FKBP15: variants seen among roughly 807,000 people sequenced by gnomAD.
The protein encoded by FKBP15 is FKBP prolyl isomerase family member 15, also known as FK506-binding protein 15.
A neutral mutation model predicts 158.1 loss-of-function variants in FKBP15; 106 were observed. The ratio of observed to expected loss-of-function variants is 0.67; its 90% CI spans 0.57 to 0.79. The LOEUF is 0.79. Ranked by LOEUF, FKBP15 falls within the 30% of genes least tolerant of loss-of-function variation. The pLI, the probability that FKBP15 is intolerant of heterozygous loss-of-function variation, is 0.00. For synonymous variants in FKBP15, 547 were observed against 548.6 expected (o/e 1.00, Z 0.04); for missense variants, 1,287 against 1,479.1 (o/e 0.87, Z 2.13).
rs117421186 is a variant in FKBP15, at chr9:113,188,971, T to C, written c.1174-480A>G. 6.4e-4 allele frequency among the ~76,000 whole-genome samples: 97 copies of C among 152,358 alleles called. No homozygotes were observed. In the East Asian group the frequency reaches 0.017, roughly 27 times the overall value. On this transcript the variant is annotated intron_variant, in intron 12 of 27. Transcript: ENST00000238256. Reference sequence around the variant, plus strand: ...TAGGATTCACTGCACCTGATTAACATGCTGTTTTTGGATAATATAGTTTTA... The same window carrying C: ...TAGGATTCACTGCACCTGATTAACACGCTGTTTTTGGATAATATAGTTTTA...
In FKBP15 at chr9:113,171,712, A is replaced by G. The variant is rs1226254053; in HGVS notation, c.2533-6T>C. On this transcript the variant is annotated splice_polypyrimidine_tract_variant and splice_region_variant and intron_variant, in intron 23 of 27. Coordinates refer to ENST00000238256, the MANE Select transcript of FKBP15 (RefSeq NM_015258.2). The stretch of plus-strand genomic sequence containing the variant: ...TGGGCCTGGAGGGCTAAACACTGCA[A>G]AACAAACAGACTGTGGCTGTGGCCT... 1 of 1,567,926 alleles carries G rather than the reference A, an allele frequency of 6.4e-7. No individual in the cohort carries two copies. Among genetic ancestry groups the G allele is most frequent in the South Asian group, 1.2e-5 (1 of 85,342 alleles).
rs1830212313 is a variant in FKBP15 at position 113,171,694 on chromosome 9, G to A, written c.2545C>T (p.Gln849Ter). 3.1e-6 allele frequency: 5 copies of A among 1,594,186 alleles called. No homozygotes were observed. Among genetic ancestry groups the A allele is most frequent in the African/African-American group, 1.3e-5 (1 of 74,110 alleles). The change falls in exon 24 of 28, where the codon CAG becomes TAG. Residue 849 changes from glutamine (Q) to a stop codon, truncating the protein, a stop_gained. Transcript: ENST00000238256. LOFTEE classifies it high-confidence loss of function. Reference sequence around the variant, plus strand: ...TTGGTGAGAGCTGTGATTTGGGCCTGGAGGGCTAAACACTGCAAAACAAAC... The same window carrying A: ...TTGGTGAGAGCTGTGATTTGGGCCTAGAGGGCTAAACACTGCAAAACAAAC... The part of the protein sequence containing the change: ...VQLQEKCLAL[Q>*]AQITALTKQN...
rs1830161901 is a variant in FKBP15 at position 113,169,387 on chromosome 9, G to T, written c.3322C>A (p.Leu1108Met). 6.2e-7 allele frequency: 1 copy of T among 1,614,056 alleles called. No individual in the cohort carries two copies. Among genetic ancestry groups the T allele is most frequent in the Non-Finnish European group, 8.5e-7 (1 of 1,179,894 alleles). The change falls in exon 26 of 28, where the codon CTG becomes ATG. Residue 1108 changes from leucine to methionine, a missense_variant. Transcript: ENST00000238256. Reference sequence around the variant, plus strand: ...CCTGGGCTTTCAGGCCCTAAGGCCAGTGGGTCCCCCTCCTCGGGGTCTGAA... The same window carrying T: ...CCTGGGCTTTCAGGCCCTAAGGCCATTGGGTCCCCCTCCTCGGGGTCTGAA... ...LTSDPEEGDP[L>M]ALGPESPGEP...
At position 113,188,424 on chromosome 9, in the gene FKBP15, G is replaced by A. The variant is rs369298588; in HGVS notation, c.1241C>T (p.Pro414Leu). Residue 414 changes from proline (P) to leucine (L), a missense_variant, in exon 13 of 28, where the codon CCG (proline) becomes CTG (leucine). Pro to Leu is a moderately conservative substitution (Grantham distance 98, BLOSUM62 -3). Coordinates refer to ENST00000238256, the MANE Select transcript of FKBP15 (RefSeq NM_015258.2). ...VTPSVQPSLH[P>L]AHPALPQMTS... ...CATCTGTGGTAACGCTGGATGGGCC[G>A]GATGAAGAGAGGGCTGGACGGACGG... The A allele has an allele frequency of 4.2e-5, 67 of 1,613,796 alleles. No individual in the cohort carries two copies. The highest frequency in any genetic ancestry group is 6.6e-5 in the South Asian group (6 of 91,088).
At chr9:113,174,303 C>A in intron 22 of FKBP15, 125 bp downstream of exon 22, 1 of 1,006,644 alleles carries the variant, frequency 9.9e-7, no homozygotes, top group Non-Finnish European at 1.4e-6. Flanking sequence ...TTCTACCTTT[C>A]TCCAAAGTGA....
In FKBP15 at chr9:113,161,711, G is replaced by T. The variant is rs983563732; in HGVS notation, c.*4367C>A. 5 of 1,613,542 alleles carry T rather than the reference G, an allele frequency of 3.1e-6. No homozygotes were observed. In the Admixed American group the frequency reaches 6.7e-5, roughly 22 times the overall value. ...GAACCCACCACAGGTACAGGCAGTG[G>T]GTATGGGAAAGGGGCAGAAGCCTCA... On this transcript the variant is annotated 3_prime_UTR_variant, in exon 28 of 28. Coordinates refer to ENST00000238256, the MANE Select transcript of FKBP15 (RefSeq NM_015258.2).
Position 113,206,496 on chromosome 9 carries a change from G to T in FKBP15, c.324+13C>A. 6.2e-7 allele frequency: 1 copy of T among 1,610,756 alleles called. No individual in the cohort carries two copies. Among genetic ancestry groups the T allele is most frequent in the Non-Finnish European group, 8.5e-7 (1 of 1,177,042 alleles). ...GACATCTGAATATACATGAGATGTG[G>T]GAGCACTCTCACCTCTCTGGCTGTG... On this transcript the variant is annotated intron_variant, in intron 4 of 27. Transcript: ENST00000238256.
At position 113,162,764 on chromosome 9, in the gene FKBP15, C is replaced by T. The variant is rs747207793; in HGVS notation, c.*3314G>A. ...TTTTATCTAGGTGGTATTTGTGTCA[C>T]TTTGGCCAGTCTCTAATCCATGTCA... is the stretch of plus-strand genomic sequence containing the variant. On this transcript the variant is annotated 3_prime_UTR_variant, in exon 28 of 28. Coordinates refer to ENST00000238256, the MANE Select transcript of FKBP15 (RefSeq NM_015258.2). 14 of 1,612,676 alleles carry T rather than the reference C, an allele frequency of 8.7e-6. No individual in the cohort carries two copies. The highest frequency in any genetic ancestry group is 1.1e-5 in the Non-Finnish European group (13 of 1,179,350).
chr9:113,200,180 G>A (rs185426445), intron 6 of FKBP15, among the ~76,000 whole-genome samples: 2 of 152,296 alleles, frequency 1.3e-5, no homozygotes, highest in Admixed American at 1.3e-4. Context: ...TCCAGGCACT[G>A]CCACTTATTA....
intron 6 of FKBP15, among the ~76,000 whole-genome samples, chr9:113,201,172 G>A (rs975729405): frequency 9.9e-5 from 15 of 150,758 alleles, no homozygotes; most frequent in Non-Finnish European, 1.9e-4. Context: ...GCAAAGGTAC[G>A]ATGAGAAAAT....
intron 1 of FKBP15, among the ~76,000 whole-genome samples, chr9:113,215,299 C>T (rs1564192259): frequency 6.6e-6 from 1 of 150,708 alleles, no homozygotes; most frequent in African/African-American, 2.4e-5. Flanking sequence ...CACTTGAGGT[C>T]GTTGTAGGGT....
At position 113,165,467 on chromosome 9, in the gene FKBP15, A is replaced by AAG. The variant is rs142642995; in HGVS notation, c.*610_*611insCT. ...AGACTCCTACCCTTAGATTCCCAAAAGAGCACAGACAGCCCTTGGAACCAA... is the reference window on the plus strand; with the variant it reads ...AGACTCCTACCCTTAGATTCCCAAAAAGGAGCACAGACAGCCCTTGGAACCAA... On this transcript the variant is annotated 3_prime_UTR_variant, in exon 28 of 28. Coordinates refer to ENST00000238256, the MANE Select transcript of FKBP15 (RefSeq NM_015258.2). 47,981 of 152,112 alleles carry AAG rather than the reference A, an allele frequency of 0.32. 7,709 individuals are homozygous for AAG. Among genetic ancestry groups the AAG allele is most frequent in the Non-Finnish European group, 0.33 (22,660 of 67,994 alleles). The allele number at this position is 152,112 out of a possible 1,614,324, so 9.4% of individuals were successfully genotyped here.
chr9:113,188,246 A>G, intron 13 of FKBP15, 143 bp downstream of exon 13: 1 of 688,864 alleles, frequency 1.5e-6, no homozygotes, highest in Non-Finnish European at 2.4e-6. Flanking sequence ...TTACCCAGGG[A>G]CAAACTGACA....
chr9:113,197,798 C>T (rs1211572249), intron 8 of FKBP15, among the ~76,000 whole-genome samples: 1 of 152,188 alleles, frequency 6.6e-6, no homozygotes, highest in Non-Finnish European at 1.5e-5. Flanking sequence ...AACTGAAGCT[C>T]GTGGAGATTA....
chr9:113,162,900 C>T lies in FKBP15; in HGVS notation c.*3178G>A. On this transcript the variant is annotated 3_prime_UTR_variant, in exon 28 of 28. Coordinates refer to ENST00000238256, the MANE Select transcript of FKBP15 (RefSeq NM_015258.2). ...TGTGGGCTACTACCTAGCTTACCCA[C>T]TTCTCAGCACAGCTTAGCTGGTGAG... The T allele has an allele frequency of 6.2e-7, 1 of 1,610,490 alleles. No individual in the cohort carries two copies.
chr9:113,169,015 C>CGCCACACTACCGCAGGGCCA, intron 26 of FKBP15, among the ~76,000 whole-genome samples: 1 of 151,600 alleles, frequency 6.6e-6, no homozygotes, highest in African/African-American at 2.4e-5. Context: ...CCGCAGGGCC[C>CGCCACACTACCGCAGGGCCA]GCCACACTAC....
At chr9:113,216,369 T>C (rs2118962735) in intron 1 of FKBP15, among the ~76,000 whole-genome samples, 1 of 152,370 alleles carries the variant, frequency 6.6e-6, no homozygotes, top group South Asian at 2.1e-4. Context: ...TTGAAACTAT[T>C]ACCTTCTTTT....
At chr9:113,188,004 T>C (rs1323736370) in intron 13 of FKBP15, 105 bp from the exon 14 acceptor site, 1 of 831,524 alleles carries the variant, frequency 1.2e-6, no homozygotes, top group East Asian at 2.7e-5. Flanking sequence ...ACTATTTTCC[T>C]TGCCTAGTCT....
At chr9:113,196,305 C>G (rs1311911628) in intron 9 of FKBP15, among the ~76,000 whole-genome samples, 1 of 151,106 alleles carries the variant, frequency 6.6e-6, no homozygotes, top group Non-Finnish European at 1.5e-5. Flanking sequence ...CATAAAATCA[C>G]TAAGTAAAAA....
Sources: gnomAD v4.1 joint callset for allele counts (sites outside exome capture counted in the v4.1 genomes callset) on GRCh38, gnomAD v4.1.1 for gene constraint, MANE v1.5 for transcripts, NCBI Gene and HGNC (gene_info 2026-07-23, HGNC 2026-07-21) for gene names.